ITPR2: variants seen among roughly 807,000 people sequenced by gnomAD.
ITPR2 encodes inositol 1,4,5-trisphosphate receptor type 2.
Under a neutral mutation model 317.1 loss-of-function variants are expected in ITPR2, and 207 were observed. The ratio of observed to expected loss-of-function variants is 0.65; its 90% CI spans 0.58 to 0.73. The LOEUF (loss-of-function observed/expected upper bound fraction) is 0.73, where lower values mean the gene tolerates loss of function less well. ITPR2 is among the 30% of genes least tolerant of loss of function. The probability of loss-of-function intolerance (pLI) is 0.00; values close to 1 mark genes in which losing one functional copy is unlikely to be tolerated. For missense variants in ITPR2, 2,613 were observed against 3,284.0 expected (o/e 0.80, Z 4.99); for synonymous variants, 1,156 against 1,149.1 (o/e 1.01, Z -0.12).
chr12:26,790,586 T>TAC (rs10527860), intron 1 of ITPR2, among the ~76,000 whole-genome samples: 9,958 of 147,646 alleles, frequency 0.067, 376 homozygotes, highest in African/African-American at 0.1. Flanking sequence ...CATATATGCT[T>TAC]ACACACACAC....
chr12:26,376,729 TTC>T (rs1939358698), intron 55 of ITPR2, among the ~76,000 whole-genome samples: 1 of 151,942 alleles, frequency 6.6e-6, no homozygotes, highest in Non-Finnish European at 1.5e-5. Flanking sequence ...TTTCCTTTCT[TTC>T]TCTTTCTCTC....
intron 2 of ITPR2, among the ~76,000 whole-genome samples, chr12:26,777,174 C>T (rs1174198988): frequency 1.3e-5 from 2 of 152,162 alleles, no homozygotes; most frequent in Non-Finnish European, 2.9e-5. Flanking sequence ...AGATGGCCCA[C>T]TGTGAGCAAG....
chr12:26,578,203 A>ACC (rs141243743), intron 34 of ITPR2, among the ~76,000 whole-genome samples: 39,326 of 150,078 alleles, frequency 0.26, 5,970 homozygotes, highest in Non-Finnish European at 0.34. Flanking sequence ...TCGACACCCC[A>ACC]CCCCCATACA....
At chr12:26,719,934 C>A (rs1948805775) in intron 5 of ITPR2, among the ~76,000 whole-genome samples, 1 of 151,778 alleles carries the variant, frequency 6.6e-6, no homozygotes, top group Non-Finnish European at 1.5e-5. Flanking sequence ...TTTCTTAGAT[C>A]AAAATTGAAA....
rs150943946 is a variant in ITPR2 at position 26,462,845 on chromosome 12, T to C, written c.6342+12451A>G. On this transcript the variant is annotated intron_variant, in intron 45 of 56. Transcript: ENST00000381340. ...TGCCACCATGCCTGGCTAATTTTTG[T>C]ATATTTAGTAGAGATGGGGTTTCAC... is the stretch of plus-strand genomic sequence containing the variant. Among the ~76,000 whole-genome samples the C allele has an allele frequency of 8.6e-4, 130 of 151,808 alleles. 1 individual carries two copies. The East Asian group carries it at 0.019, about 23-fold the overall frequency.
At chr12:26,495,088 G>A in intron 38 of ITPR2, 64 bp downstream of exon 38, 1 of 866,128 alleles carries the variant, frequency 1.2e-6, no homozygotes. Context: ...AAATACTAGA[G>A]TAACACTGAC....
intron 26 of ITPR2, among the ~76,000 whole-genome samples, chr12:26,615,258 G>A (rs1004671681): frequency 2.0e-5 from 3 of 152,064 alleles, no homozygotes; most frequent in Admixed American, 6.6e-5. Context: ...AACAGCCATA[G>A]GGAATCACAA....
intron 20 of ITPR2, 76 bp downstream of exon 20, chr12:26,655,632 A>AT: frequency 1.7e-6 from 2 of 1,186,150 alleles, no homozygotes; most frequent in Non-Finnish European, 2.4e-6. Flanking sequence ...AAAAAAAAAA[A>AT]GCAGAGAAAA....
intron 2 of ITPR2, among the ~76,000 whole-genome samples, chr12:26,756,681 G>T (rs1004450524): frequency 1.3e-5 from 2 of 152,148 alleles, no homozygotes; most frequent in Admixed American, 1.3e-4. Context: ...GATGCTAATA[G>T]GCAGAAATAC....
At chr12:26,658,816 G>T (rs1288243276) in intron 16 of ITPR2, among the ~76,000 whole-genome samples, 2 of 152,180 alleles carry the variant, frequency 1.3e-5, no homozygotes, top group African/African-American at 4.8e-5. Flanking sequence ...TCATACAAGT[G>T]TGCAAGGATC....
At chr12:26,642,776 A>T (rs1360129674) in intron 21 of ITPR2, among the ~76,000 whole-genome samples, 1 of 152,294 alleles carries the variant, frequency 6.6e-6, no homozygotes, top group South Asian at 2.1e-4. Flanking sequence ...CCAAGACAAG[A>T]TCTTAGTCTT....
At chr12:26,760,540 C>A (rs1949611973) in intron 2 of ITPR2, among the ~76,000 whole-genome samples, 1 of 152,222 alleles carries the variant, frequency 6.6e-6, no homozygotes, top group South Asian at 2.1e-4. Flanking sequence ...AACTTAATGC[C>A]AAAACTGTGT....
intron 41 of ITPR2, among the ~76,000 whole-genome samples, chr12:26,484,274 A>G (rs1265874918): frequency 1.3e-5 from 2 of 150,902 alleles, no homozygotes; most frequent in Non-Finnish European, 3.0e-5. Context: ...GGAAAAAGAG[A>G]AAAAAAAACT....
intron 51 of ITPR2, among the ~76,000 whole-genome samples, chr12:26,414,398 T>A (rs919183732): frequency 6.6e-6 from 1 of 152,120 alleles, no homozygotes; most frequent in African/African-American, 2.4e-5. Flanking sequence ...TTGCAAGGCA[T>A]CACTAATTAA....
intron 2 of ITPR2, among the ~76,000 whole-genome samples, chr12:26,782,025 TATATATATGTATAGAGAGAGAGAGAG>T (rs1950098810): frequency 1.1e-4 from 3 of 27,370 alleles, no homozygotes; most frequent in Non-Finnish European, 1.5e-4. Flanking sequence ...TATATATATA[TATATATATGTATAGAGAGAGAGAGAG>T]AGAGAGAGAG....
chr12:26,439,581 G>T (rs1043488958), intron 46 of ITPR2, among the ~76,000 whole-genome samples: 7 of 151,922 alleles, frequency 4.6e-5, no homozygotes, highest in African/African-American at 1.7e-4. Context: ...ATTCTTTCTG[G>T]GTTAGCATTA....
At chr12:26,672,535 G>T (rs1004341478) in intron 13 of ITPR2, among the ~76,000 whole-genome samples, 68 of 150,126 alleles carry the variant, frequency 4.5e-4, no homozygotes, top group Non-Finnish European at 7.4e-4. Context: ...AGAATCTCTG[G>T]GACACATTCA....
At chr12:26,371,354 C>T (rs1220533874) in intron 55 of ITPR2, among the ~76,000 whole-genome samples, 1 of 152,154 alleles carries the variant, frequency 6.6e-6, no homozygotes, top group Admixed American at 6.5e-5. Context: ...CATTCATTTA[C>T]TCAATAAATA....
chr12:26,677,819 T>A (rs997552142), intron 13 of ITPR2, among the ~76,000 whole-genome samples: 1 of 152,184 alleles, frequency 6.6e-6, no homozygotes, highest in African/African-American at 2.4e-5. Context: ...GGTGTCAGGA[T>A]AGTCATACCT....
Sources: gnomAD v4.1 joint callset for allele counts (sites outside exome capture counted in the v4.1 genomes callset) on GRCh38, gnomAD v4.1.1 for gene constraint, MANE v1.5 for transcripts, NCBI Gene and HGNC (gene_info 2026-07-23, HGNC 2026-07-21) for gene names.